The following TDRD9 variants were observed in gnomAD, a reference collection of about 807,000 sequenced individuals.
TDRD9 encodes tudor domain containing 9, also known as ATP-dependent RNA helicase TDRD9.
TDRD9 carries 124 observed loss-of-function variants against 172.6 expected under a neutral mutation model. The ratio of observed to expected loss-of-function variants is 0.72; its 90% confidence interval spans 0.62 to 0.83. The LOEUF is 0.83. Among genes scored for constraint, TDRD9 ranks in the 40% least tolerant of loss-of-function variants. The probability of loss-of-function intolerance (pLI) is 0.00; values close to 1 mark genes in which losing one functional copy is unlikely to be tolerated. For synonymous variants in TDRD9, 619 were observed against 617.1 expected (o/e 1.00, Z -0.05); for missense variants, 1,479 against 1,714.1 (o/e 0.86, Z 2.42).
intron 2 of TDRD9, among the ~76,000 whole-genome samples, chr14:103,960,122 C>A (rs561577690): frequency 6.6e-6 from 1 of 152,262 alleles, no homozygotes; most frequent in Admixed American, 6.5e-5. Flanking sequence ...TGGAGAAAGT[C>A]ATATATAATT....
intron 20 of TDRD9, among the ~76,000 whole-genome samples, chr14:104,011,065 ACCAGG>A (rs1285953177): frequency 6.6e-6 from 1 of 152,190 alleles, no homozygotes; most frequent in East Asian, 1.9e-4. Context: ...CTATGACGTG[ACCAGG>A]CAACAGGAAT....
chr14:103,936,107 G>A (rs1452104217), intron 1 of TDRD9, among the ~76,000 whole-genome samples: 1 of 151,952 alleles, frequency 6.6e-6, no homozygotes, highest in East Asian at 1.9e-4. Context: ...TTTCAGATGG[G>A]GTCTCCCTCT....
chr14:104,026,025 G>C, intron 26 of TDRD9, 22 bp from the exon 27 acceptor site: 1 of 1,510,718 alleles, frequency 6.6e-7, no homozygotes, highest in South Asian at 1.1e-5. Context: ...GTCGTAAAGT[G>C]TATACTTGCT....
chr14:104,007,480 C>T (rs1171475437), intron 19 of TDRD9, among the ~76,000 whole-genome samples: 1 of 152,172 alleles, frequency 6.6e-6, no homozygotes, highest in Non-Finnish European at 1.5e-5. Context: ...ACTGATCTTG[C>T]CATGGTGTCT....
In TDRD9 at chr14:104,033,680, C is replaced by T. The variant is rs978994154; in HGVS notation, c.3510-280C>T. On this transcript the variant is annotated intron_variant, in intron 30 of 35. Coordinates refer to ENST00000409874, the MANE Select transcript of TDRD9 (RefSeq NM_153046.3). ...TCTCGAGTGGAGGTGGAGGTTCGGGCATCCCCAGCGTGTGCGTGGTTCCTA... is the reference window on the plus strand; with the variant it reads ...TCTCGAGTGGAGGTGGAGGTTCGGGTATCCCCAGCGTGTGCGTGGTTCCTA... 2.0e-5 allele frequency among the ~76,000 whole-genome samples: 3 copies of T among 152,038 alleles called. No individual in the cohort carries two copies. The East Asian group carries it at 5.8e-4, about 29-fold the overall frequency.
At chr14:104,034,776 T>C (rs2152256293) in intron 31 of TDRD9, among the ~76,000 whole-genome samples, 184 bp from the exon 32 acceptor site, 1 of 152,318 alleles carries the variant, frequency 6.6e-6, no homozygotes, top group East Asian at 1.9e-4. Context: ...GTAGTGTCTC[T>C]CTGTAGGGTA....
At chr14:103,995,173 G>A (rs991272659) in intron 11 of TDRD9, among the ~76,000 whole-genome samples, 2 of 152,166 alleles carry the variant, frequency 1.3e-5, no homozygotes, top group Non-Finnish European at 2.9e-5. Flanking sequence ...CTTTGGGACT[G>A]TTCTCGTGTC....
chr14:103,960,363 G>T (rs745444261), intron 2 of TDRD9, among the ~76,000 whole-genome samples: 8 of 152,180 alleles, frequency 5.3e-5, no homozygotes, highest in Non-Finnish European at 1.2e-4. Context: ...TTAGTGAAGA[G>T]AACTAGCAAT....
chr14:103,963,111 G>A lies in TDRD9; in HGVS notation c.355G>A (p.Val119Met). ...GCCATCTTTGGCTAAATTAAGCAGT[G>A]TGACATGCATCCCAGGGACAACTTA... Reference protein sequence around the residue: ...PRPSLAKLSSVTCIPGTTYKY... With the variant: ...PRPSLAKLSSMTCIPGTTYKY... Residue 119 changes from valine (V) to methionine (M), a missense_variant, in exon 3 of 36, where the codon GTG becomes ATG. By Grantham distance (21) the Val-to-Met change is conservative. Around this residue, in one of 3 missense-constraint regions of TDRD9, gnomAD observed 1,413 missense variants for 1,649.1 expected, o/e 0.86. Coordinates refer to ENST00000409874, the MANE Select transcript of TDRD9 (RefSeq NM_153046.3). 6.5e-7 allele frequency: 1 copy of A among 1,549,874 alleles called. No individual in the cohort carries two copies. The highest frequency in any genetic ancestry group is 8.7e-7 in the Non-Finnish European group (1 of 1,146,172).
At chr14:103,939,758 T>TTTTG (rs2031097638) in intron 1 of TDRD9, 2 of 123,122 alleles carry the variant, frequency 1.6e-5, no homozygotes, top group Admixed American at 8.7e-5. Context: ...TTTTTTTTTT[T>TTTTG]TTTTTTGAGA....
At chr14:103,988,460 G>A (rs370104420) in intron 8 of TDRD9, among the ~76,000 whole-genome samples, 6 of 152,172 alleles carry the variant, frequency 3.9e-5, no homozygotes, top group East Asian at 1.9e-4. Context: ...GTGTGACACC[G>A]CGCCTGGCCT....
At chr14:103,991,533 T>C (rs939244833) in intron 9 of TDRD9, among the ~76,000 whole-genome samples, 5 of 148,134 alleles carry the variant, frequency 3.4e-5, no homozygotes, top group Admixed American at 1.3e-4. Flanking sequence ...CTGCCTCAGC[T>C]TCCCGAGTAG....
At chr14:103,984,745 A>G (rs558499198) in intron 7 of TDRD9, among the ~76,000 whole-genome samples, 67 of 152,270 alleles carry the variant, frequency 4.4e-4, no homozygotes, top group African/African-American at 1.6e-3. Flanking sequence ...GAAGAGGGCC[A>G]TTGTCTTCCA....
At chr14:103,941,016 G>A (rs1235257727) in intron 1 of TDRD9, 3 of 1,535,346 alleles carry the variant, frequency 2.0e-6, no homozygotes, top group Middle Eastern at 1.7e-4. Context: ...CTCTGTCAGA[G>A]CTGCTTAGGA....
At position 103,955,760 on chromosome 14, in the gene TDRD9, C is replaced by T; in HGVS notation, c.312C>T (p.Thr104=). 1 of 1,550,934 alleles carries T rather than the reference C, an allele frequency of 6.4e-7. No homozygotes were observed. The highest frequency in any genetic ancestry group is 8.7e-7 in the Non-Finnish European group (1 of 1,146,684). ...ELDVCRSVQP[T]SGPGPRPSLA... ...ATGTGTGTCGCAGTGTCCAACCAAC[C>T]AGTGGGCCAGGTAAACAGGTCTCTT... The change falls in exon 2 of 36, where the codon ACC becomes ACT. Residue 104 remains threonine (T), a synonymous_variant. Transcript: ENST00000409874.
intron 15 of TDRD9, among the ~76,000 whole-genome samples, chr14:104,006,078 C>G (rs990548725): frequency 5.9e-5 from 9 of 152,140 alleles, no homozygotes; most frequent in African/African-American, 2.2e-4. Context: ...TTGACAGTGA[C>G]AGCTGGGAGA....
At chr14:103,940,142 A>T (rs966293759) in intron 1 of TDRD9, among the ~76,000 whole-genome samples, 1 of 152,194 alleles carries the variant, frequency 6.6e-6, no homozygotes, top group African/African-American at 2.4e-5. Flanking sequence ...AGTTTAAATT[A>T]TTCACCAACA....
At chr14:104,005,852 G>A (rs2034421177) in intron 15 of TDRD9, among the ~76,000 whole-genome samples, 1 of 152,114 alleles carries the variant, frequency 6.6e-6, no homozygotes, top group South Asian at 2.1e-4. Context: ...TTGCTCTGTT[G>A]CCTAGGCTGG....
chr14:103,941,274 A>G (rs1293321546), intron 1 of TDRD9: 9 of 891,602 alleles, frequency 1.0e-5, no homozygotes, highest in African/African-American at 3.5e-5. Context: ...ATTTAAAACA[A>G]TTGCTCACCA....
Sources: gnomAD v4.1 joint callset for allele counts (sites outside exome capture counted in the v4.1 genomes callset) on GRCh38, gnomAD v4.1.1 for gene constraint, gnomAD v4.1.1 regional missense constraint, MANE v1.5 for transcripts, NCBI Gene and HGNC (gene_info 2026-07-23, HGNC 2026-07-21) for gene names.